ACE: variants seen among roughly 807,000 people sequenced by gnomAD.
The protein encoded by ACE is angiotensin I converting enzyme, also known as angiotensin-converting enzyme.
In ACE, 122 loss-of-function variants were observed where a neutral mutation model predicts 162.3. The ratio of observed to expected loss-of-function variants is 0.75; its 90% CI spans 0.65 to 0.87. ACE has a LOEUF of 0.87. Ranked by LOEUF, ACE falls within the 40% of genes least tolerant of loss-of-function variation. The pLI, the probability that ACE is intolerant of heterozygous loss-of-function variation, is 0.00. For synonymous variants in ACE, 796 were observed against 720.6 expected, an observed-to-expected ratio of 1.10 and a Z score of -1.68; for missense variants, 1,799 against 1,735.1, an observed-to-expected ratio of 1.04 and a Z score of -0.65.
At position 63,483,567 on chromosome 17, in the gene ACE, G is replaced by GCGGGGCCCCCCCCCCCCCCCCCCCC; in HGVS notation, c.1586+10_1586+11insGGGGCCCCCCCCCCCCCCCCCCCCC. ...GTGACACCATACATCAGGTATTAGC[G>GCGGGGCCCCCCCCCCCCCCCCCCCC]CCCCCACCCCACCCACCCCCAGTAC... On this transcript the variant is annotated intron_variant, in intron 10 of 24. Transcript: ENST00000290866. The GCGGGGCCCCCCCCCCCCCCCCCCCC allele has an allele frequency of 1.3e-6, 2 of 1,589,566 alleles. No individual in the cohort carries two copies. Among genetic ancestry groups the GCGGGGCCCCCCCCCCCCCCCCCCCC allele is most frequent in the Non-Finnish European group, 1.7e-6 (2 of 1,165,676 alleles).
rs1378180943 is a variant in ACE at position 63,484,030 on chromosome 17, T to C, written c.1709+59T>C. The C allele has an allele frequency of 3.6e-5, 56 of 1,554,032 alleles. No homozygotes were observed. Among genetic ancestry groups the C allele is most frequent in the Non-Finnish European group, 4.7e-5 (54 of 1,152,176 alleles). ...AGAGAGGAGCGGCTGGCAAAGGGTGTGGCAGGAGGTGTCTGGCTGCTCTGA... is the reference window on the plus strand; with the variant it reads ...AGAGAGGAGCGGCTGGCAAAGGGTGCGGCAGGAGGTGTCTGGCTGCTCTGA... On this transcript the variant is annotated intron_variant, in intron 11 of 24. Coordinates refer to ENST00000290866, the MANE Select transcript of ACE (RefSeq NM_000789.4). This position sits in a 1 kb window ranked among gnomAD's most constrained non-coding sequence, Gnocchi z 4.0.
At chr17:63,482,793 C>G (rs1465994801) in intron 8 of ACE, 104 bp downstream of exon 8, 1 of 1,317,340 alleles carries the variant, frequency 7.6e-7, no homozygotes, top group East Asian at 2.4e-5. Context: ...CTTTCTGCCT[C>G]CCGGCCCCAG....
intron 22 of ACE, among the ~76,000 whole-genome samples, chr17:63,494,982 T>C (rs4359): frequency 0.51 from 77,266 of 151,976 alleles, 19,904 homozygotes; most frequent in South Asian, 0.61. Flanking sequence ...GGGTTCAAAC[T>C]CCGTCTCCAT....
chr17:63,493,375 T>C, intron 19 of ACE, 61 bp from the exon 20 acceptor site: 4 of 1,526,966 alleles, frequency 2.6e-6, no homozygotes, highest in Non-Finnish European at 3.6e-6. Flanking sequence ...ACTGTTCCCT[T>C]ATGCCCAGGG....
intron 4 of ACE, 66 bp from the exon 5 acceptor site, chr17:63,480,271 T>TTG (rs1381782642): frequency 6.4e-7 from 1 of 1,571,718 alleles, no homozygotes; most frequent in African/African-American, 1.4e-5. Context: ...AAGAGCCGAC[T>TTG]TACAGCTGAG....
rs369245002 is a variant in ACE at position 63,488,944 on chromosome 17, A to C, written c.2453A>C (p.Tyr818Ser). 6.2e-7 allele frequency: 1 copy of C among 1,613,926 alleles called. No individual in the cohort carries two copies. The highest frequency in any genetic ancestry group is 2.2e-5 in the East Asian group (1 of 44,872). ...LINQAARLNG[Y>S]VDAGDSWRSM... Reference sequence around the variant, plus strand: ...CCTGGCTGTGTCCCCTCTGTAGGCTATGTAGATGCAGGGGACTCGTGGAGG... The same window carrying C: ...CCTGGCTGTGTCCCCTCTGTAGGCTCTGTAGATGCAGGGGACTCGTGGAGG... Residue 818 changes from tyrosine to serine, a missense_variant, in exon 17 of 25, where the codon TAT becomes TCT. By Grantham distance (144) the Tyr-to-Ser change is moderately radical. Coordinates refer to ENST00000290866, the MANE Select transcript of ACE (RefSeq NM_000789.4).
intron 6 of ACE, 67 bp from the exon 7 acceptor site, chr17:63,481,499 C>A: frequency 1.3e-6 from 2 of 1,578,898 alleles, no homozygotes; most frequent in South Asian, 1.1e-5. Context: ...GAGATGGGGA[C>A]CCCAGCCCTG....
At chr17:63,495,667 C>T (rs1454954038) in intron 22 of ACE, among the ~76,000 whole-genome samples, 1 of 152,220 alleles carries the variant, frequency 6.6e-6, no homozygotes, top group African/African-American at 2.4e-5. Context: ...CTGGCTCTCA[C>T]CCGGGAGCCA....
chr17:63,481,475 C>A, intron 6 of ACE, 91 bp from the exon 7 acceptor site: 2 of 1,419,290 alleles, frequency 1.4e-6, no homozygotes, highest in Non-Finnish European at 1.9e-6. Context: ...CTTTCATGCA[C>A]AGGGAGTTGA....
intron 13 of ACE, 155 bp downstream of exon 13, chr17:63,485,527 T>G: frequency 9.4e-7 from 1 of 1,060,876 alleles, no homozygotes; most frequent in East Asian, 2.7e-5. Flanking sequence ...ACGCCTGTAA[T>G]CCCAGCACTT....
At chr17:63,485,771 T>TAAAAA in intron 13 of ACE, 1 of 70,176 alleles carries the variant, frequency 1.4e-5, no homozygotes, top group South Asian at 6.6e-4. Context: ...CGAGACTCCA[T>TAAAAA]CAAAAAAAAA....
rs1052234148 is a variant in ACE at position 63,490,824 on chromosome 17, CAGT to C, written c.2642-127_2642-125del. On this transcript the variant is annotated intron_variant, in intron 17 of 24. Coordinates refer to ENST00000290866, the MANE Select transcript of ACE (RefSeq NM_000789.4). Reference sequence around the variant, plus strand: ...TGATGTGTGCCTCAAAGCTTGCAAACAGTAGGTGCTCAAGAAATGCCACTATGA... The same window carrying C: ...TGATGTGTGCCTCAAAGCTTGCAAACAGGTGCTCAAGAAATGCCACTATGA... The C allele has an allele frequency of 7.8e-5, 68 of 874,842 alleles. No homozygotes were observed. The Middle Eastern group carries it at 1.7e-3, about 22-fold the overall frequency. 54.2% of individuals were successfully genotyped at this position (874,842 alleles called of 1,614,324 possible). A position where few individuals can be genotyped will look rare whatever the true frequency, so the allele number is the denominator to read the frequency against.
Position 63,480,350 on chromosome 17 carries a change from G to A in ACE, c.669G>A (p.Thr223=), listed in dbSNP as rs767910089. ...CCACGCCCCCAGGCTTCACAGACACGGGGGCCTACTGGCGCTCCTGGTACA... is the reference window on the plus strand; with the variant it reads ...CCACGCCCCCAGGCTTCACAGACACAGGGGCCTACTGGCGCTCCTGGTACA... The part of the protein sequence containing the change: ...EAYKQDGFTD[T]GAYWRSWYNS... Residue 223 remains threonine (T), a synonymous_variant, in exon 5 of 25, where the codon ACG becomes ACA. Coordinates refer to ENST00000290866, the MANE Select transcript of ACE (RefSeq NM_000789.4). 1.8e-5 allele frequency: 29 copies of A among 1,613,694 alleles called. No homozygotes were observed. The highest frequency in any genetic ancestry group is 1.6e-4 in the Middle Eastern group (1 of 6,084).
rs1460237403 is a variant in ACE at position 63,486,994 on chromosome 17, G to A, written c.2226G>A (p.Lys742=). 1 of 1,613,694 alleles carries A rather than the reference G, an allele frequency of 6.2e-7. No individual in the cohort carries two copies. Among genetic ancestry groups the A allele is most frequent in the African/African-American group, 1.3e-5 (1 of 75,054 alleles). The part of the protein sequence containing the change: ...LPAQELEEYN[K]ILLDMETTYS... ...TCTCCTTCCTCCTGCAGTACAACAA[G>A]ATCCTGTTGGATATGGAAACCACCT... is the stretch of plus-strand genomic sequence containing the variant. Residue 742 remains lysine (K), a synonymous_variant, in exon 15 of 25, where the codon AAG becomes AAA. Coordinates refer to ENST00000290866, the MANE Select transcript of ACE (RefSeq NM_000789.4).
At chr17:63,486,400 C>T (rs941893666) in intron 13 of ACE, 157 bp from the exon 14 acceptor site, 9 of 778,856 alleles carry the variant, frequency 1.2e-5, no homozygotes, top group East Asian at 2.7e-5. Flanking sequence ...ACGTTATCAG[C>T]GTCCAGCTTG....
rs1568043397 is a variant in ACE, at chr17:63,488,989, C to T, written c.2498C>T (p.Ser833Phe). Residue 833 changes from serine (S) to phenylalanine (F), a missense_variant, in exon 17 of 25, where the codon TCC becomes TTC. Physicochemically the swap from Ser to Phe is radical, Grantham distance 155. Coordinates refer to ENST00000290866, the MANE Select transcript of ACE (RefSeq NM_000789.4). The part of the protein sequence containing the change: ...DSWRSMYETP[S>F]LEQDLERLFQ... Reference sequence around the variant, plus strand: ...TGGAGGTCTATGTACGAGACACCATCCCTGGAGCAAGACCTGGAGCGGCTC... The same window carrying T: ...TGGAGGTCTATGTACGAGACACCATTCCTGGAGCAAGACCTGGAGCGGCTC... 1.2e-6 allele frequency: 2 copies of T among 1,614,188 alleles called. No individual in the cohort carries two copies. Among genetic ancestry groups the T allele is most frequent in the South Asian group, 2.2e-5 (2 of 91,082 alleles).
At chr17:63,495,748 G>T (rs1380143671) in intron 22 of ACE, among the ~76,000 whole-genome samples, 1 of 152,216 alleles carries the variant, frequency 6.6e-6, no homozygotes, top group Non-Finnish European at 1.5e-5. Flanking sequence ...AAGGAGACTT[G>T]GCTGCTCTAG....
At chr17:63,480,662 G>T in intron 5 of ACE, 134 bp downstream of exon 5, 1 of 1,007,318 alleles carries the variant, frequency 9.9e-7, no homozygotes, top group Non-Finnish European at 1.5e-6. Flanking sequence ...CATACTGTTT[G>T]CTTCACATGC....
Position 63,486,728 on chromosome 17 carries a change from CA to C in ACE, c.2217+15del. On this transcript the variant is annotated intron_variant, in intron 14 of 24. Transcript: ENST00000290866. ...GGAGCTGGAGGAGGTGTGTGGCTCGCAAGGTACAGGGAGAGGGGAATCCTGG... is the reference window on the plus strand; with the variant it reads ...GGAGCTGGAGGAGGTGTGTGGCTCGCAGGTACAGGGAGAGGGGAATCCTGG... 6.2e-7 allele frequency: 1 copy of C among 1,614,122 alleles called. No individual in the cohort carries two copies. The highest frequency in any genetic ancestry group is 8.5e-7 in the Non-Finnish European group (1 of 1,180,012).
Sources: gnomAD v4.1 joint callset for allele counts (sites outside exome capture counted in the v4.1 genomes callset) on GRCh38, gnomAD v4.1.1 for gene constraint, Gnocchi (gnomAD v3.1) non-coding constraint, MANE v1.5 for transcripts, NCBI Gene and HGNC (gene_info 2026-07-23, HGNC 2026-07-21) for gene names.